Variants in CPNE4 observed in about 807,000 individuals in gnomAD.
CPNE4 encodes the protein copine-4.
In CPNE4, 25 loss-of-function variants were observed where a neutral mutation model predicts 67.9. That is an observed-to-expected ratio of 0.37 (90% CI 0.27 to 0.51). The LOEUF is 0.51. Ranked by LOEUF, CPNE4 falls within the 20% of genes least tolerant of loss-of-function variation. CPNE4 has a pLI of 0.93. For synonymous variants in CPNE4, 242 were observed against 244.9 expected (o/e 0.99, Z 0.11); for missense variants, 464 against 690.8 (o/e 0.67, Z 3.68).
rs75180314 is a variant in CPNE4 at position 131,996,751 on chromosome 3, G to A, written c.-2+37816C>T. On this transcript the variant is annotated intron_variant, in intron 1 of 15. Coordinates refer to ENST00000429747, the MANE Select transcript of CPNE4 (RefSeq NM_130808.3). ...GGATTTCATTGTCATAGTTCTGTAC[G>A]GCGTGTTCTGATTTCTGAGTTAGGA... is the stretch of plus-strand genomic sequence containing the variant. Among the ~76,000 whole-genome samples the A allele has an allele frequency of 5.0e-3, 759 of 152,112 alleles. 9 individuals are homozygous for A. The highest frequency in any genetic ancestry group is 0.017 in the African/African-American group (721 of 41,496).
At chr3:131,780,909 G>A (rs1404931171) in intron 2 of CPNE4, among the ~76,000 whole-genome samples, 2 of 152,052 alleles carry the variant, frequency 1.3e-5, no homozygotes, top group South Asian at 2.1e-4. Flanking sequence ...GATCCATAGG[G>A]GGAGATATGG....
At chr3:131,795,830 T>C (rs2083904312) in intron 2 of CPNE4, among the ~76,000 whole-genome samples, 1 of 152,232 alleles carries the variant, frequency 6.6e-6, no homozygotes, top group African/African-American at 2.4e-5. Flanking sequence ...TATAGCTCAC[T>C]AAATATGTAA....
At chr3:131,547,566 T>G (rs1935940500) in intron 14 of CPNE4, among the ~76,000 whole-genome samples, 1 of 150,344 alleles carries the variant, frequency 6.7e-6, no homozygotes, top group Non-Finnish European at 1.5e-5. Flanking sequence ...CATGATTTTC[T>G]TAGCTTTCAC....
chr3:131,702,986 T>C (rs74916898), intron 3 of CPNE4, among the ~76,000 whole-genome samples: 18,784 of 152,218 alleles, frequency 0.12, 1,262 homozygotes, highest in African/African-American at 0.16. Context: ...ATCAGGGTTT[T>C]GAATTTTTCA....
intron 1 of CPNE4, among the ~76,000 whole-genome samples, chr3:131,953,505 T>C (rs141252786): frequency 0.012 from 1,857 of 152,314 alleles, 15 homozygotes; most frequent in Non-Finnish European, 0.019. Context: ...ATTATGTTGA[T>C]AGGATATATC....
At chr3:131,849,522 G>A (rs2086151266) in intron 2 of CPNE4, among the ~76,000 whole-genome samples, 1 of 151,970 alleles carries the variant, frequency 6.6e-6, no homozygotes, top group African/African-American at 2.4e-5. Flanking sequence ...GACCAGCGAG[G>A]GGAAAATCCA....
chr3:132,025,202 C>G (rs1054949546), intron 1 of CPNE4, among the ~76,000 whole-genome samples: 2 of 152,164 alleles, frequency 1.3e-5, no homozygotes, highest in Non-Finnish European at 2.9e-5. Context: ...AATATGTTGT[C>G]TAATGCTGGC....
chr3:131,652,066 TG>T (rs200898319), intron 7 of CPNE4, among the ~76,000 whole-genome samples: 1,768 of 152,314 alleles, frequency 0.012, 45 homozygotes, highest in African/African-American at 0.04. Context: ...TTAGCTTACT[TG>T]TTTTAATAAA....
At chr3:131,775,738 A>C (rs192201119) in intron 2 of CPNE4, among the ~76,000 whole-genome samples, 2 of 152,264 alleles carry the variant, frequency 1.3e-5, no homozygotes, top group African/African-American at 4.8e-5. Flanking sequence ...TCTTTTGTAG[A>C]TTGCCCAGTC....
chr3:131,657,662 G>C (rs1230573673), intron 7 of CPNE4, among the ~76,000 whole-genome samples: 3 of 151,372 alleles, frequency 2.0e-5, no homozygotes, highest in Admixed American at 2.0e-4. Flanking sequence ...AGCCTCCCGA[G>C]GAGCTGGGAT....
intron 2 of CPNE4, among the ~76,000 whole-genome samples, chr3:131,772,401 C>A (rs1030880652): frequency 1.3e-5 from 2 of 152,056 alleles, no homozygotes; most frequent in African/African-American, 2.4e-5. Flanking sequence ...TGATAGAAAA[C>A]CTCTGTCAGA....
At position 131,957,923 on chromosome 3, in the gene CPNE4, C is replaced by T. The variant is rs567745920; in HGVS notation, c.-1-52479G>A. Among the ~76,000 whole-genome samples the T allele has an allele frequency of 2.6e-5, 4 of 152,212 alleles. No homozygotes were observed. In the South Asian group the frequency reaches 6.2e-4, roughly 24 times the overall value. Reference sequence around the variant, plus strand: ...AAGCAGATGTGAAAACTTCTAAACACTGAATTTTTGGTTGGGGGGAGAAGG... The same window carrying T: ...AAGCAGATGTGAAAACTTCTAAACATTGAATTTTTGGTTGGGGGGAGAAGG... On this transcript the variant is annotated intron_variant, in intron 1 of 15. Transcript: ENST00000429747.
At chr3:131,706,638 G>A (rs2081420175) in intron 3 of CPNE4, among the ~76,000 whole-genome samples, 1 of 152,128 alleles carries the variant, frequency 6.6e-6, no homozygotes, top group African/African-American at 2.4e-5. Context: ...TTGGGATTCA[G>A]GCCCAGCTGA....
intron 1 of CPNE4, among the ~76,000 whole-genome samples, chr3:131,948,122 G>GT (rs1189036800): frequency 6.6e-6 from 1 of 151,996 alleles, no homozygotes; most frequent in Non-Finnish European, 1.5e-5. Context: ...TTTATTCTTA[G>GT]TTTTTTTATT....
intron 3 of CPNE4, 50 bp from the exon 4 acceptor site, chr3:131,700,030 T>TAACTGTAG: frequency 8.5e-7 from 1 of 1,173,682 alleles, no homozygotes; most frequent in African/African-American, 1.6e-5. Context: ...ACTAGTCATT[T>TAACTGTAG]AACTGTAGAT....
At chr3:131,725,799 G>T (rs1029543224) in intron 2 of CPNE4, among the ~76,000 whole-genome samples, 2 of 152,018 alleles carry the variant, frequency 1.3e-5, no homozygotes, top group Non-Finnish European at 1.5e-5. Context: ...GAAAAACTTG[G>T]AATATCTGGC....
Position 131,940,062 on chromosome 3 carries a change from T to G in CPNE4, c.-1-34618A>C, listed in dbSNP as rs2071341283. Among the ~76,000 whole-genome samples the G allele has an allele frequency of 3.3e-5, 5 of 152,270 alleles. No individual in the cohort carries two copies. In the South Asian group the frequency reaches 1.0e-3, roughly 32 times the overall value. On this transcript the variant is annotated intron_variant, in intron 1 of 15. Transcript: ENST00000429747. The stretch of plus-strand genomic sequence containing the variant: ...ACCTGTTTGTGTGCATTTTTGTGTA[T>G]GTGCTCTAACCCTGTCCTGGAAGCT...
chr3:131,547,868 C>T (rs925134790), intron 14 of CPNE4, among the ~76,000 whole-genome samples: 3 of 152,242 alleles, frequency 2.0e-5, no homozygotes, highest in Admixed American at 1.3e-4. Context: ...AGCTATGGGT[C>T]ACCTGATGGA....
At chr3:131,613,924 C>G (rs1939994396) in intron 7 of CPNE4, among the ~76,000 whole-genome samples, 1 of 152,040 alleles carries the variant, frequency 6.6e-6, no homozygotes, top group South Asian at 2.1e-4. Context: ...AAAGGGGTAC[C>G]AAAGAACAGT....
Sources: gnomAD v4.1 joint callset for allele counts (sites outside exome capture counted in the v4.1 genomes callset) on GRCh38, gnomAD v4.1.1 for gene constraint, MANE v1.5 for transcripts, NCBI Gene and HGNC (gene_info 2026-07-23, HGNC 2026-07-21) for gene names.